IMMP1L: variants seen among roughly 807,000 people sequenced by gnomAD.
The protein encoded by IMMP1L is mitochondrial inner membrane protease subunit 1.
In IMMP1L, 24 loss-of-function variants were observed where a neutral mutation model predicts 21.8. That is an observed-to-expected ratio of 1.10 (90% confidence interval 0.80 to 1.55). IMMP1L has a LOEUF of 1.55. Among genes scored for constraint, IMMP1L ranks in the 40% most tolerant of loss-of-function variants. The probability of loss-of-function intolerance (pLI) is 0.00; values close to 1 mark genes in which losing one functional copy is unlikely to be tolerated. For missense variants in IMMP1L, 195 were observed against 200.7 expected, an observed-to-expected ratio of 0.97 and a Z score of 0.17; for synonymous variants, 46 against 62.8, an observed-to-expected ratio of 0.73 and a Z score of 1.26.
intron 1 of IMMP1L, among the ~76,000 whole-genome samples, chr11:31,464,355 TA>T (rs1954258399): frequency 6.6e-6 from 1 of 152,150 alleles, no homozygotes; most frequent in African/African-American, 2.4e-5. Context: ...CTCTGAATTC[TA>T]CCAAACATAT....
At chr11:31,438,602 T>C (rs980552855) in intron 4 of IMMP1L, among the ~76,000 whole-genome samples, 5 of 152,194 alleles carry the variant, frequency 3.3e-5, no homozygotes, top group African/African-American at 7.2e-5. Context: ...TATGAACATA[T>C]TATACTATAT....
intron 3 of IMMP1L, 51 bp downstream of exon 3, chr11:31,460,575 G>A (rs753645594): frequency 9.4e-7 from 1 of 1,067,128 alleles, no homozygotes; most frequent in South Asian, 1.3e-5. Flanking sequence ...AAGCCACAAT[G>A]TGTGTGTGTA....
At chr11:31,506,690 G>A (rs1192350586) in intron 1 of IMMP1L, among the ~76,000 whole-genome samples, 2 of 149,808 alleles carry the variant, frequency 1.3e-5, no homozygotes, top group East Asian at 2.0e-4. Context: ...GGCTGGGCGC[G>A]GTGGCTCACA....
chr11:31,446,131 A>G (rs1228874003), intron 4 of IMMP1L, among the ~76,000 whole-genome samples: 4 of 152,138 alleles, frequency 2.6e-5, no homozygotes, highest in African/African-American at 9.7e-5. Context: ...ATTTTATTGT[A>G]CCACTCACCC....
At chr11:31,458,364 A>G (rs1041862217) in intron 3 of IMMP1L, among the ~76,000 whole-genome samples, 8 of 152,124 alleles carry the variant, frequency 5.3e-5, no homozygotes, top group African/African-American at 1.2e-4. Flanking sequence ...AGTGTCAATT[A>G]TCTCATTAAT....
chr11:31,495,748 T>G (rs1237717065), intron 1 of IMMP1L, among the ~76,000 whole-genome samples: 1 of 152,050 alleles, frequency 6.6e-6, no homozygotes, highest in African/African-American at 2.4e-5. Context: ...TTGACAAGGG[T>G]GCCAAGACCA....
At chr11:31,440,045 T>C (rs1219882478) in intron 4 of IMMP1L, among the ~76,000 whole-genome samples, 9 of 152,186 alleles carry the variant, frequency 5.9e-5, no homozygotes. Flanking sequence ...GATCTTTCTT[T>C]AGCTCTTTGC....
Position 31,455,777 on chromosome 11 carries a change from T to C in IMMP1L, c.321+483A>G, listed in dbSNP as rs184379065. Among the ~76,000 whole-genome samples the C allele has an allele frequency of 7.2e-5, 11 of 152,274 alleles. No homozygotes were observed. In the East Asian group the frequency reaches 1.5e-3, roughly 21 times the overall value. On this transcript the variant is annotated intron_variant, in intron 4 of 5. Coordinates refer to ENST00000532287, the MANE Select transcript of IMMP1L (RefSeq NM_001304274.2). ...CCCTCAATTTGATATTGTCTTATGT[T>C]TTCTCATGAGTAGATTGAGGTTGTA...
chr11:31,458,734 G>A (rs1954033601), intron 3 of IMMP1L, among the ~76,000 whole-genome samples: 1 of 152,138 alleles, frequency 6.6e-6, no homozygotes, highest in Non-Finnish European at 1.5e-5. Flanking sequence ...AGTTACTTTG[G>A]TATATCTCAT....
intron 1 of IMMP1L, among the ~76,000 whole-genome samples, chr11:31,494,341 C>G (rs1416963018): frequency 6.6e-6 from 1 of 152,226 alleles, no homozygotes; most frequent in Non-Finnish European, 1.5e-5. Context: ...AAGCAATGGC[C>G]CAAGCCGTAC....
intron 2 of IMMP1L, 85 bp downstream of exon 2, chr11:31,463,087 G>A: frequency 9.5e-7 from 1 of 1,052,206 alleles, no homozygotes; most frequent in Non-Finnish European, 1.3e-6. Context: ...ACTTCAACTA[G>A]GTTTTCAAAA....
chr11:31,461,649 G>A (rs995368526), intron 2 of IMMP1L, among the ~76,000 whole-genome samples: 2 of 151,992 alleles, frequency 1.3e-5, no homozygotes, highest in African/African-American at 2.4e-5. Flanking sequence ...TTAAAATAGT[G>A]TATAACATTA....
At chr11:31,480,148 T>A (rs998249566) in intron 1 of IMMP1L, among the ~76,000 whole-genome samples, 1 of 152,038 alleles carries the variant, frequency 6.6e-6, no homozygotes, top group East Asian at 1.9e-4. Flanking sequence ...TCAAAAAACA[T>A]GTTTGGATCT....
Position 31,456,106 on chromosome 11 carries a change from G to A in IMMP1L, c.321+154C>T, listed in dbSNP as rs564041911. 7.2e-5 allele frequency among the ~76,000 whole-genome samples: 11 copies of A among 152,196 alleles called. No homozygotes were observed. The East Asian group carries it at 1.2e-3, about 16-fold the overall frequency. On this transcript the variant is annotated intron_variant, in intron 4 of 5. Coordinates refer to ENST00000532287, the MANE Select transcript of IMMP1L (RefSeq NM_001304274.2). ...GTAACTAAAATACATGAAATATAACGGCTGAATTGTTCTTGATATAAACAT... is the reference window on the plus strand; with the variant it reads ...GTAACTAAAATACATGAAATATAACAGCTGAATTGTTCTTGATATAAACAT...
intron 1 of IMMP1L, among the ~76,000 whole-genome samples, chr11:31,489,465 T>C (rs528875800): frequency 2.0e-5 from 3 of 152,316 alleles, no homozygotes; most frequent in South Asian, 2.1e-4. Context: ...TGGCGAATGA[T>C]ATAAAGAATA....
chr11:31,480,824 A>G (rs1356405233), intron 1 of IMMP1L, among the ~76,000 whole-genome samples: 2 of 152,132 alleles, frequency 1.3e-5, no homozygotes, highest in Non-Finnish European at 2.9e-5. Context: ...AGATGAGTGC[A>G]ATGATATTCA....
intron 3 of IMMP1L, among the ~76,000 whole-genome samples, chr11:31,457,940 T>C (rs1266206791): frequency 6.6e-6 from 1 of 152,174 alleles, no homozygotes; most frequent in Admixed American, 6.5e-5. Context: ...ATTTTCTTTC[T>C]AACCAACTAG....
chr11:31,508,867 A>T (rs1419618123), intron 1 of IMMP1L, among the ~76,000 whole-genome samples: 1 of 152,218 alleles, frequency 6.6e-6, no homozygotes, highest in Non-Finnish European at 1.5e-5. Context: ...CCACACATAA[A>T]ATTGGTATTT....
intron 1 of IMMP1L, among the ~76,000 whole-genome samples, chr11:31,506,199 T>G (rs928212546): frequency 6.6e-6 from 1 of 151,966 alleles, no homozygotes; most frequent in African/African-American, 2.4e-5. Flanking sequence ...CATAAAGAAT[T>G]AATTAAGAAC....
Sources: allele counts gnomAD v4.1 joint callset (sites outside exome capture counted in the v4.1 genomes callset), GRCh38; gene constraint gnomAD v4.1.1; transcripts MANE v1.5; gene names NCBI Gene and HGNC (gene_info 2026-07-23, HGNC 2026-07-21).